Variants in FAM107B observed in about 807,000 individuals in gnomAD.
FAM107B encodes family with sequence similarity 107 member B, also known as protein FAM107B.
Under a neutral mutation model 31.5 loss-of-function variants are expected in FAM107B, and 21 were observed. The ratio of observed to expected loss-of-function variants is 0.67; its 90% CI spans 0.47 to 0.96. The LOEUF (loss-of-function observed/expected upper bound fraction) is 0.96. Ranked by LOEUF, FAM107B falls within the 40% of genes least tolerant of loss-of-function variation. The pLI is 0.00. For synonymous variants in FAM107B, 157 were observed against 141.5 expected, an observed-to-expected ratio of 1.11 and a Z score of -0.78; for missense variants, 452 against 377.1, an observed-to-expected ratio of 1.20 and a Z score of -1.64.
At chr10:14,617,816 C>A (rs1852892632) in intron 2 of FAM107B, among the ~76,000 whole-genome samples, 1 of 149,972 alleles carries the variant, frequency 6.7e-6, no homozygotes, top group Admixed American at 6.6e-5. Flanking sequence ...TGCCTAATTA[C>A]CATGGTGGCG....
At chr10:14,559,663 G>A (rs566601443) in intron 2 of FAM107B, among the ~76,000 whole-genome samples, 2 of 151,256 alleles carry the variant, frequency 1.3e-5, no homozygotes, top group South Asian at 4.2e-4. Context: ...TCCGCCTCCT[G>A]GGTTCACGTG....
intron 2 of FAM107B, among the ~76,000 whole-genome samples, chr10:14,533,262 C>G (rs935512005): frequency 3.3e-5 from 5 of 152,212 alleles, no homozygotes; most frequent in Middle Eastern, 6.8e-3. Context: ...AGGCGGAGAG[C>G]CTGATTCAAG....
At chr10:14,696,834 C>A (rs1388311610) in intron 1 of FAM107B, among the ~76,000 whole-genome samples, 2 of 152,140 alleles carry the variant, frequency 1.3e-5, no homozygotes, top group Non-Finnish European at 2.9e-5. Context: ...AGGGAGCAGA[C>A]CCCGAGGTCC....
chr10:14,592,863 C>G (rs116788765), intron 2 of FAM107B, among the ~76,000 whole-genome samples: 1 of 152,192 alleles, frequency 6.6e-6, no homozygotes, highest in Non-Finnish European at 1.5e-5. Flanking sequence ...CCCTTGGCAA[C>G]GGAAGATAAC....
At chr10:14,773,477 T>C (rs1255268886) in intron 1 of FAM107B, among the ~76,000 whole-genome samples, 1 of 152,200 alleles carries the variant, frequency 6.6e-6, no homozygotes, top group Non-Finnish European at 1.5e-5. Flanking sequence ...AGAGATATCT[T>C]TGGAGTGTAC....
Position 14,671,497 on chromosome 10 carries a change from C to T in FAM107B, c.412-3806G>A, listed in dbSNP as rs192238681. Among the ~76,000 whole-genome samples, 331 of 152,268 alleles carry T rather than the reference C, an allele frequency of 2.2e-3. 4 individuals carry two copies. The highest frequency in any genetic ancestry group is 0.02 in the Admixed American group (306 of 15,294). On this transcript the variant is annotated intron_variant, in intron 1 of 4. Transcript: ENST00000181796. The stretch of plus-strand genomic sequence containing the variant: ...TCCCTGATGCAAATGGCACGAGCTT[C>T]CCGAGGCTCCACCCCAAGTGGGCAG...
intron 1 of FAM107B, among the ~76,000 whole-genome samples, chr10:14,738,441 C>T (rs1416254026): frequency 1.3e-5 from 2 of 152,184 alleles, no homozygotes; most frequent in Non-Finnish European, 2.9e-5. Flanking sequence ...GCCAGGCTTC[C>T]TCCTGACCAC....
At chr10:14,623,657 C>G (rs1260673331) in intron 2 of FAM107B, among the ~76,000 whole-genome samples, 1 of 152,180 alleles carries the variant, frequency 6.6e-6, no homozygotes, top group Non-Finnish European at 1.5e-5. Context: ...GAAACCCCAT[C>G]TCTACTAAAA....
intron 2 of FAM107B, among the ~76,000 whole-genome samples, chr10:14,614,213 G>A (rs1479008152): frequency 6.6e-6 from 1 of 152,140 alleles, no homozygotes; most frequent in Non-Finnish European, 1.5e-5. Context: ...CAGATCACAT[G>A]AGGTCCTGTG....
intron 1 of FAM107B, among the ~76,000 whole-genome samples, chr10:14,696,530 T>C (rs943896440): frequency 6.6e-6 from 1 of 152,078 alleles, no homozygotes; most frequent in Admixed American, 6.6e-5. Flanking sequence ...TCTAGCTCTA[T>C]TTTTTCGGGG....
At chr10:14,636,271 CAAA>C (rs56401366) in intron 2 of FAM107B, among the ~76,000 whole-genome samples, 10 of 85,290 alleles carry the variant, frequency 1.2e-4, no homozygotes, top group East Asian at 3.5e-4. Flanking sequence ...AAAAAGGAGC[CAAA>C]AAAAAAAAAA....
At position 14,653,157 on chromosome 10, in the gene FAM107B, C is replaced by T. The variant is rs138090908; in HGVS notation, c.469+14477G>A. On this transcript the variant is annotated intron_variant, in intron 2 of 4. Transcript: ENST00000181796. ...CTTGTGACCTAATGGTCCACTGCCA[C>T]GGTATTTACAATTAAGGCCAAATAC... Among the ~76,000 whole-genome samples the T allele has an allele frequency of 2.6e-4, 39 of 152,332 alleles. No homozygotes were observed. The East Asian group carries it at 3.1e-3, about 12-fold the overall frequency.
At chr10:14,587,446 G>A (rs552347743) in intron 2 of FAM107B, among the ~76,000 whole-genome samples, 5 of 152,256 alleles carry the variant, frequency 3.3e-5, no homozygotes, top group East Asian at 1.9e-4. Flanking sequence ...AGACACAGTC[G>A]ACAAAGATAG....
intron 2 of FAM107B, among the ~76,000 whole-genome samples, chr10:14,642,614 G>GT (rs75077990): frequency 0.23 from 34,772 of 151,596 alleles, 4,255 homozygotes; most frequent in Admixed American, 0.35. Flanking sequence ...TGACCTTGGT[G>GT]TTTTTTTTGC....
intron 2 of FAM107B, among the ~76,000 whole-genome samples, chr10:14,654,393 T>C (rs910618314): frequency 2.6e-5 from 4 of 152,238 alleles, no homozygotes; most frequent in African/African-American, 9.6e-5. Flanking sequence ...ACCCTAATTA[T>C]TAATTACAGC....
intron 1 of FAM107B, among the ~76,000 whole-genome samples, chr10:14,670,473 G>T (rs1854513538): frequency 6.6e-6 from 1 of 152,176 alleles, no homozygotes; most frequent in Non-Finnish European, 1.5e-5. Context: ...GTTTCACAAG[G>T]CCTGACAGAA....
rs189326186 is a variant in FAM107B, at chr10:14,616,438, A to G, written c.469+51196T>C. ...ACTATTAATGAGGTTGAAAATGAATATGCCTGAGCTGTAATCACACCAAGA... is the reference window on the plus strand; with the variant it reads ...ACTATTAATGAGGTTGAAAATGAATGTGCCTGAGCTGTAATCACACCAAGA... On this transcript the variant is annotated intron_variant, in intron 2 of 4. Transcript: ENST00000181796. Among the ~76,000 whole-genome samples the G allele has an allele frequency of 3.1e-3, 470 of 152,336 alleles. 5 individuals carry two copies. Among genetic ancestry groups the G allele is most frequent in the Middle Eastern group, 6.8e-3 (2 of 294 alleles).
At chr10:14,690,831 T>C (rs953861985) in intron 1 of FAM107B, among the ~76,000 whole-genome samples, 1 of 152,194 alleles carries the variant, frequency 6.6e-6, no homozygotes, top group Non-Finnish European at 1.5e-5. Context: ...TTGACTGATA[T>C]ATAAGAAACA....
chr10:14,602,999 C>CGCACACA, intron 2 of FAM107B: 1 of 146,962 alleles, frequency 6.8e-6, no homozygotes, highest in Non-Finnish European at 1.5e-5. Context: ...ACCCTCTTTC[C>CGCACACA]CACACACACA....
Sources: gnomAD v4.1 joint callset for allele counts (sites outside exome capture counted in the v4.1 genomes callset) on GRCh38, gnomAD v4.1.1 for gene constraint, MANE v1.5 for transcripts, NCBI Gene and HGNC (gene_info 2026-07-23, HGNC 2026-07-21) for gene names.